MUC5AC: variants seen among roughly 807,000 people sequenced by gnomAD.
MUC5AC encodes mucin-5AC.
MUC5AC carries 158 observed loss-of-function variants against 169.7 expected under a neutral mutation model. The observed-to-expected ratio is 0.93, with a 90% CI of 0.82 to 1.06. The LOEUF is 1.06. Among genes scored for constraint, MUC5AC ranks in the 50% least tolerant of loss-of-function variants. The probability of loss-of-function intolerance (pLI) is 0.00; values close to 1 mark genes in which losing one functional copy is unlikely to be tolerated. For missense variants in MUC5AC, 4,359 were observed against 3,089.9 expected (o/e 1.41, Z -9.74); for synonymous variants, 1,975 against 1,237.0 (o/e 1.60, Z -12.52).
chr11:1,161,704 G>T (rs1262916706), intron 3 of MUC5AC, 118 bp downstream of exon 3: 2 of 1,314,904 alleles, frequency 1.5e-6, no homozygotes, highest in African/African-American at 1.5e-5. Flanking sequence ...CACTGGGTGG[G>T]TATTGGAGCC....
chr11:1,187,100 C>T lies in MUC5AC; in HGVS notation c.8955C>T (p.Thr2985=), dbSNP rs1860970986. Residue 2985 remains threonine (T), a synonymous_variant, in exon 31 of 49, where the codon ACC becomes ACT. Coordinates refer to ENST00000621226, the MANE Select transcript of MUC5AC (RefSeq NM_001304359.2). Reference sequence around the variant, plus strand: ...GAACTACTCCCAGCCCTGTTCCCACCACCAGCACAACCTCTGCTCCCACAA... The same window carrying T: ...GAACTACTCCCAGCCCTGTTCCCACTACCAGCACAACCTCTGCTCCCACAA... ...GPGTTPSPVP[T]TSTTSAPTTS... is the part of the protein sequence containing the mutation. 1 of 733,308 alleles carries T rather than the reference C, an allele frequency of 1.4e-6. No individual in the cohort carries two copies. Among genetic ancestry groups the T allele is most frequent in the African/African-American group, 1.8e-5 (1 of 56,924 alleles). 45.4% of individuals were successfully genotyped at this position (733,308 alleles called of 1,614,324 possible). A position where few individuals can be genotyped will look rare whatever the true frequency, so the allele number is the denominator to read the frequency against.
At chr11:1,199,583 C>A (rs1861371008) in intron 46 of MUC5AC, 93 bp downstream of exon 46, 1 of 692,096 alleles carries the variant, frequency 1.4e-6, no homozygotes, top group African/African-American at 1.7e-5. Flanking sequence ...CAGCAGACAC[C>A]CCCTCCTGCT....
chr11:1,176,135 G>C lies in MUC5AC; in HGVS notation c.2402-16G>C. On this transcript the variant is annotated splice_polypyrimidine_tract_variant and intron_variant, in intron 19 of 48. Transcript: ENST00000621226. ...GCAGCCTGTGGCTGGCCCCCTGACG[G>C]CCCCTCCCTCCCCAGTGTGTGCTGC... The C allele has an allele frequency of 2.5e-6, 1 of 398,658 alleles. No homozygotes were observed. The highest frequency in any genetic ancestry group is 3.6e-5 in the East Asian group (1 of 28,088). The allele number at this position is 398,658 out of a possible 1,614,324, so 24.7% of individuals were successfully genotyped here. A position where few individuals can be genotyped will look rare whatever the true frequency, so the allele number is the denominator to read the frequency against.
At chr11:1,193,296 C>T (rs1282454016) in intron 32 of MUC5AC, among the ~76,000 whole-genome samples, 189 bp from the exon 33 acceptor site, 1 of 61,770 alleles carries the variant, frequency 1.6e-5, no homozygotes, top group Non-Finnish European at 3.0e-5. Context: ...GCCACTCCCA[C>T]ACCAGAGGCC....
In MUC5AC at chr11:1,178,527, C is replaced by T. The variant is rs932127819; in HGVS notation, c.3171C>T (p.Asp1057=). The T allele has an allele frequency of 1.8e-4, 239 of 1,293,272 alleles. 1 individual carries two copies. The highest frequency in any genetic ancestry group is 1.7e-3 in the South Asian group (89 of 51,176). 80.1% of individuals were successfully genotyped at this position (1,293,272 alleles called of 1,614,324 possible). A position where few individuals can be genotyped will look rare whatever the true frequency, so the allele number is the denominator to read the frequency against. ...FATRSRSVVG[D]VLEFGNSWKL... ...CGCGGAGCCGGTCTGTGGTGGGGGA[C>T]GTGCTGGAGTTTGGGAACAGCTGGA... The change falls in exon 25 of 49, where the codon GAC becomes GAT. Residue 1057 remains aspartate, a synonymous_variant. Transcript: ENST00000621226.
intron 27 of MUC5AC, 82 bp downstream of exon 27, chr11:1,180,232 C>T (rs1314827858): frequency 7.5e-6 from 3 of 398,422 alleles, no homozygotes; most frequent in African/African-American, 2.1e-5. Flanking sequence ...CTCTGTGGCC[C>T]CAGCTTCCAG....
intron 27 of MUC5AC, 36 bp downstream of exon 27, chr11:1,180,186 C>T (rs1349263746): frequency 3.5e-5 from 14 of 397,994 alleles, no homozygotes; most frequent in East Asian, 7.1e-5. Context: ...GCCTGGGCTC[C>T]GCCGCCTGTG....
intron 28 of MUC5AC, 27 bp from the exon 29 acceptor site, chr11:1,181,112 C>T (rs1393863369): frequency 2.5e-5 from 10 of 398,414 alleles, no homozygotes; most frequent in Non-Finnish European, 4.0e-5. Context: ...CCCCACGCAT[C>T]GGCCTGCCCT....
At chr11:1,175,317 T>C (rs879232575) in intron 19 of MUC5AC, 47 bp downstream of exon 19, 67,843 of 398,436 alleles carry the variant, frequency 0.17, 6,499 homozygotes, top group Non-Finnish European at 0.2. Flanking sequence ...TCCTCATCTC[T>C]ATAAGAAATC....
chr11:1,169,795 CACTCACCT>C, intron 15 of MUC5AC, among the ~76,000 whole-genome samples: 1 of 147,534 alleles, frequency 6.8e-6, no homozygotes, highest in African/African-American at 2.5e-5. Context: ...CGCTTTCACC[CACTCACCT>C]ACTCACTCAC....
rs541371095 is a variant in MUC5AC at position 1,194,481 on chromosome 11, G to A, written c.15007-6G>A. Reference sequence around the variant, plus strand: ...TGACTTCCCGTCGACCACGCCCTGCGTCCAGATCATCTTCAACAACAAGGT... The same window carrying A: ...TGACTTCCCGTCGACCACGCCCTGCATCCAGATCATCTTCAACAACAAGGT... On this transcript the variant is annotated splice_polypyrimidine_tract_variant and splice_region_variant and intron_variant, in intron 34 of 48. Transcript: ENST00000621226. The A allele has an allele frequency of 6.8e-5, 51 of 753,744 alleles. No individual in the cohort carries two copies. Among genetic ancestry groups the A allele is most frequent in the Admixed American group, 2.2e-4 (13 of 58,350 alleles). The allele number at this position is 753,744 out of a possible 1,614,324, so 46.7% of individuals were successfully genotyped here.
rs1470916418 is a variant in MUC5AC at position 1,187,306 on chromosome 11, C to T, written c.9161C>T (p.Ser3054Leu). Residue 3054 changes from serine (S) to leucine (L), a missense_variant, in exon 31 of 49, where the codon TCG (serine) becomes TTG (leucine). Transcript: ENST00000621226. ...TTSSPQTSTT[S>L]ASTTSITSGP... is the part of the protein sequence containing the mutation. The stretch of plus-strand genomic sequence containing the variant: ...TCCTCTCCACAGACCAGCACAACCT[C>T]GGCTTCTACCACCAGCATAACTTCT... The T allele has an allele frequency of 1.0e-4, 71 of 704,750 alleles. 1 individual carries two copies. The highest frequency in any genetic ancestry group is 5.4e-4 in the East Asian group (20 of 37,098). 43.7% of individuals were successfully genotyped at this position (704,750 alleles called of 1,614,324 possible).
intron 6 of MUC5AC, 142 bp from the exon 7 acceptor site, chr11:1,163,740 C>T (rs1860215211): frequency 1.4e-5 from 9 of 663,000 alleles, no homozygotes; most frequent in Middle Eastern, 3.8e-4. Flanking sequence ...CAGGACAACT[C>T]AGGCATCCAG....
At chr11:1,179,587 TTGGGC>T (rs1590142666) in intron 26 of MUC5AC, among the ~76,000 whole-genome samples, 12,378 of 99,966 alleles carry the variant, frequency 0.12, 1,975 homozygotes, top group Non-Finnish European at 0.15. Flanking sequence ...CCTGGCATGG[TTGGGC>T]AGAGGGTTCA....
chr11:1,175,685 C>T (rs1459534860), intron 19 of MUC5AC, among the ~76,000 whole-genome samples: 13 of 149,490 alleles, frequency 8.7e-5, no homozygotes, highest in African/African-American at 2.7e-4. Flanking sequence ...CCCACTCATG[C>T]ACACACACCC....
In MUC5AC at chr11:1,199,189, A is replaced by G. The variant is rs1264243119; in HGVS notation, c.16395+4A>G. On this transcript the variant is annotated splice_donor_region_variant and intron_variant, in intron 45 of 48. Transcript: ENST00000621226. ...GAGCCCCGCCCACCTCTTCTACGTG[A>G]GTAGTGGCTGCCACAAAGAGGAAGG... 2 of 759,802 alleles carry G rather than the reference A, an allele frequency of 2.6e-6. No homozygotes were observed. The highest frequency in any genetic ancestry group is 4.8e-6 in the Non-Finnish European group (2 of 415,948). 47.1% of individuals were successfully genotyped at this position (759,802 alleles called of 1,614,324 possible).
Position 1,168,004 on chromosome 11 carries a change from A to G in MUC5AC, c.1497+17A>G. 1 of 1,544,388 alleles carries G rather than the reference A, an allele frequency of 6.5e-7. No homozygotes were observed. Among genetic ancestry groups the G allele is most frequent in the Non-Finnish European group, 8.8e-7 (1 of 1,142,006 alleles). On this transcript the variant is annotated intron_variant, in intron 12 of 48. Coordinates refer to ENST00000621226, the MANE Select transcript of MUC5AC (RefSeq NM_001304359.2). ...GCGCAGACGGTGAGTGGAGCCTGGC[A>G]GGGCAAACCCCGGGAAGAGGGAAGG...
At chr11:1,171,594 C>G (rs1860540437) in intron 15 of MUC5AC, among the ~76,000 whole-genome samples, 1 of 141,396 alleles carries the variant, frequency 7.1e-6, no homozygotes, top group South Asian at 2.4e-4. Flanking sequence ...CCCACTCACC[C>G]ACTCACTCAC....
At position 1,186,901 on chromosome 11, in the gene MUC5AC, C is replaced by T; in HGVS notation, c.8756C>T (p.Ala2919Val). 1.4e-6 allele frequency: 1 copy of T among 717,440 alleles called. No individual in the cohort carries two copies. The allele number at this position is 717,440 out of a possible 1,614,324, so 44.4% of individuals were successfully genotyped here. A position where few individuals can be genotyped will look rare whatever the true frequency, so the allele number is the denominator to read the frequency against. ...TSAPTTSTTS[A>V]PTSSTTSATT... is the part of the protein sequence containing the mutation. ...GCCCCTACAACCAGCACAACCTCTG[C>T]CCCTACAAGCAGCACAACCTCAGCT... Residue 2919 changes from alanine (A) to valine (V), a missense_variant, in exon 31 of 49, where the codon GCC becomes GTC. By Grantham distance (64) the Ala-to-Val change is moderately conservative. Transcript: ENST00000621226.
Sources: gnomAD v4.1 joint callset for allele counts (sites outside exome capture counted in the v4.1 genomes callset) on GRCh38, gnomAD v4.1.1 for gene constraint, MANE v1.5 for transcripts, NCBI Gene and HGNC (gene_info 2026-07-23, HGNC 2026-07-21) for gene names.